Variants in CLUAP1 observed in about 807,000 individuals in gnomAD.
The protein encoded by CLUAP1 is intraflagellar transport 38.
In CLUAP1, 50 loss-of-function variants were observed where a neutral mutation model predicts 55.0. The ratio of observed to expected loss-of-function variants is 0.91; its 90% CI spans 0.72 to 1.15. CLUAP1 has a LOEUF of 1.15. Ranked by LOEUF, CLUAP1 falls within the 50% of genes most tolerant of loss-of-function variation. The pLI is 0.00. For synonymous variants in CLUAP1, 195 were observed against 175.4 expected (o/e 1.11, Z -0.88); for missense variants, 530 against 507.6 (o/e 1.04, Z -0.42).
rs781560174 is a variant in CLUAP1 at position 3,504,800 on chromosome 16, G to C, written c.103G>C (p.Val35Leu). ...ENFRTPNFGL[V>L]SEVLLWLVKR... is the part of the protein sequence containing the mutation. ...TTTCCGTACACCCAATTTTGGACTT[G>C]TATCTGAAGTGCTTCTCTGGCTTGT... is the stretch of plus-strand genomic sequence containing the variant. Residue 35 changes from valine (V) to leucine (L), a missense_variant, in exon 2 of 12, where the codon GTA becomes CTA. Coordinates refer to ENST00000576634, the MANE Select transcript of CLUAP1 (RefSeq NM_015041.3). 3 of 1,611,054 alleles carry C rather than the reference G, an allele frequency of 1.9e-6. No homozygotes were observed. The Admixed American group carries it at 5.0e-5, about 27-fold the overall frequency.
intron 4 of CLUAP1, among the ~76,000 whole-genome samples, chr16:3,509,666 G>A (rs1232222308): frequency 6.6e-6 from 1 of 152,240 alleles, no homozygotes; most frequent in Admixed American, 6.5e-5. Flanking sequence ...GGGGCTGGGA[G>A]TGCACCTAAG....
upstream of CLUAP1, chr16:3,496,426 C>A: frequency 9.9e-7 from 1 of 1,010,034 alleles, no homozygotes; most frequent in East Asian, 3.7e-5. Flanking sequence ...AGCTTCCTGG[C>A]TGGGAAAACA....
Position 3,519,970 on chromosome 16 carries a change from A to C in CLUAP1, c.647A>C (p.Lys216Thr). ...VASDEANLEA[K>T]IEKRKLELER... ...TCTGATGAAGCTAATTTAGAAGCCAAAATCGAAAAGAGAAAATTAGAACTG... is the reference window on the plus strand; with the variant it reads ...TCTGATGAAGCTAATTTAGAAGCCACAATCGAAAAGAGAAAATTAGAACTG... The change falls in exon 7 of 12, where the codon AAA becomes ACA. Residue 216 changes from lysine to threonine, a missense_variant. Lys to Thr is a moderately conservative substitution (Grantham distance 78). Transcript: ENST00000576634. The C allele has an allele frequency of 6.2e-7, 1 of 1,613,938 alleles. No homozygotes were observed. The highest frequency in any genetic ancestry group is 8.5e-7 in the Non-Finnish European group (1 of 1,179,930).
upstream of CLUAP1, chr16:3,496,868 C>CTTT (rs1432746800): frequency 1.1e-5 from 3 of 264,664 alleles, no homozygotes; most frequent in African/African-American, 7.3e-5. Flanking sequence ...TTCTTTTTTT[C>CTTT]TTTTCTTTTT....
At chr16:3,521,191 A>G (rs2037825639) in intron 7 of CLUAP1, among the ~76,000 whole-genome samples, 1 of 151,846 alleles carries the variant, frequency 6.6e-6, no homozygotes, top group Non-Finnish European at 1.5e-5. Flanking sequence ...AACAGAAGTC[A>G]TTGCCGCCAT....
intron 3 of CLUAP1, 79 bp from the exon 4 acceptor site, chr16:3,508,210 C>T: frequency 7.6e-7 from 1 of 1,316,058 alleles, no homozygotes; most frequent in Non-Finnish European, 1.0e-6. Flanking sequence ...GAGGCATTTT[C>T]AACTCACCTA....
chr16:3,501,267 C>T (rs1356806380), intron 1 of CLUAP1, among the ~76,000 whole-genome samples, 178 bp downstream of exon 1: 2 of 152,256 alleles, frequency 1.3e-5, no homozygotes, highest in African/African-American at 4.8e-5. Flanking sequence ...GTCCCAGGCC[C>T]TTCTTCGGCC....
intron 4 of CLUAP1, among the ~76,000 whole-genome samples, chr16:3,511,215 TG>T (rs981986649): frequency 2.0e-5 from 3 of 151,974 alleles, no homozygotes; most frequent in Non-Finnish European, 4.4e-5. Context: ...TTGTTGCTAG[TG>T]GGTTGAAAAT....
rs373061370 is a variant in CLUAP1 at position 3,501,103 on chromosome 16, G to A, written c.22+14G>A. 74 of 1,587,050 alleles carry A rather than the reference G, an allele frequency of 4.7e-5. No homozygotes were observed. The highest frequency in any genetic ancestry group is 6.1e-5 in the Non-Finnish European group (71 of 1,172,268). ...GCGACCTCCGCAGTAAGGCAGCCCC[G>A]CGCCCCTGTGACCTGCGGGTCTTCC... On this transcript the variant is annotated intron_variant, in intron 1 of 11. Coordinates refer to ENST00000576634, the MANE Select transcript of CLUAP1 (RefSeq NM_015041.3).
intron 8 of CLUAP1, among the ~76,000 whole-genome samples, chr16:3,523,838 C>T (rs1006808816): frequency 2.0e-5 from 3 of 152,096 alleles, no homozygotes; most frequent in African/African-American, 7.2e-5. Flanking sequence ...TGGTCGTACA[C>T]ACCTGTAGTC....
At position 3,521,584 on chromosome 16, in the gene CLUAP1, G is replaced by A. The variant is rs557267210; in HGVS notation, c.713+1548G>A. Among the ~76,000 whole-genome samples, 308 of 151,960 alleles carry A rather than the reference G, an allele frequency of 2.0e-3. 4 individuals are homozygous for A. Among genetic ancestry groups the A allele is most frequent in the African/African-American group, 6.9e-3 (287 of 41,472 alleles). ...CAAGTAGCTGGGATTACAGGCGGCC[G>A]CCACCACGCCCAGCTAATTTTTGTA... On this transcript the variant is annotated intron_variant, in intron 7 of 11. Coordinates refer to ENST00000576634, the MANE Select transcript of CLUAP1 (RefSeq NM_015041.3).
chr16:3,523,929 G>A (rs1472462031), intron 8 of CLUAP1, among the ~76,000 whole-genome samples: 1 of 152,154 alleles, frequency 6.6e-6, no homozygotes, highest in Non-Finnish European at 1.5e-5. Flanking sequence ...TCGTGCCACT[G>A]TACTCCAGCC....
At chr16:3,522,844 G>A (rs1040711520) in intron 7 of CLUAP1, among the ~76,000 whole-genome samples, 1 of 152,088 alleles carries the variant, frequency 6.6e-6, no homozygotes, top group Non-Finnish European at 1.5e-5. Context: ...AAGTCTGGAA[G>A]GATGTATGTC....
intron 1 of CLUAP1, among the ~76,000 whole-genome samples, chr16:3,502,858 A>G (rs574128346): frequency 7.1e-4 from 108 of 152,350 alleles, no homozygotes; most frequent in African/African-American, 2.5e-3. Context: ...GTGTATGGTA[A>G]GGATCTTACT....
At chr16:3,527,159 T>C (rs895652190) in intron 9 of CLUAP1, among the ~76,000 whole-genome samples, 5 of 152,200 alleles carry the variant, frequency 3.3e-5, no homozygotes, top group African/African-American at 1.2e-4. Context: ...GAGCACGAGC[T>C]GTTCCAGTAT....
At chr16:3,533,337 G>A (rs189636266) in intron 11 of CLUAP1, 3 of 587,650 alleles carry the variant, frequency 5.1e-6, no homozygotes, top group East Asian at 5.7e-5. Flanking sequence ...GCGCAGGCAC[G>A]GAGCCTGGAG....
chr16:3,519,963 G>A lies in CLUAP1; in HGVS notation c.640G>A (p.Glu214Lys), dbSNP rs1453499658. The A allele has an allele frequency of 1.9e-6, 3 of 1,613,678 alleles. No homozygotes were observed. Among genetic ancestry groups the A allele is most frequent in the Non-Finnish European group, 2.5e-6 (3 of 1,179,880 alleles). ...NNVASDEANLEAKIEKRKLEL... is the reference protein window; with the variant it reads ...NNVASDEANLKAKIEKRKLEL... Reference sequence around the variant, plus strand: ...TGTGGCCTCTGATGAAGCTAATTTAGAAGCCAAAATCGAAAAGAGAAAATT... The same window carrying A: ...TGTGGCCTCTGATGAAGCTAATTTAAAAGCCAAAATCGAAAAGAGAAAATT... Residue 214 changes from glutamate (E) to lysine (K), a missense_variant, in exon 7 of 12, where the codon GAA becomes AAA. Transcript: ENST00000576634.
chr16:3,496,997 A>C (rs2037321183), upstream of CLUAP1, among the ~76,000 whole-genome samples: 1 of 151,264 alleles, frequency 6.6e-6, no homozygotes, highest in Non-Finnish European at 1.5e-5. Context: ...CGGCCTCCCC[A>C]GCAGGTGGGA....
At chr16:3,498,902 A>C (rs541000165), upstream of CLUAP1, among the ~76,000 whole-genome samples, 5 of 152,088 alleles carry the variant, frequency 3.3e-5, no homozygotes, top group African/African-American at 1.2e-4. Flanking sequence ...ACAACAAAAA[A>C]AAGTGAAAAG....
Sources: gnomAD v4.1 joint callset for allele counts (sites outside exome capture counted in the v4.1 genomes callset) on GRCh38, gnomAD v4.1.1 for gene constraint, MANE v1.5 for transcripts, NCBI Gene and HGNC (gene_info 2026-07-23, HGNC 2026-07-21) for gene names.